SYNRG: variants seen among roughly 807,000 people sequenced by gnomAD.
The protein encoded by SYNRG is AP1 gamma subunit binding protein 1.
Under a neutral mutation model 130.9 loss-of-function variants are expected in SYNRG, and 37 were observed. The observed-to-expected ratio is 0.28, with a 90% CI of 0.22 to 0.37. The LOEUF is 0.37. Ranked by LOEUF, SYNRG falls within the 10% of genes least tolerant of loss-of-function variation. The pLI is 1.00. For synonymous variants in SYNRG, 539 were observed against 568.1 expected (o/e 0.95, Z 0.73); for missense variants, 1,338 against 1,588.9 (o/e 0.84, Z 2.68).
intron 19 of SYNRG, chr17:37,529,847 C>G (rs772874938): frequency 6.4e-7 from 1 of 1,551,462 alleles, no homozygotes; most frequent in South Asian, 1.2e-5. Flanking sequence ...CTTTTCCCAG[C>G]AGCACTAGGA....
intron 1 of SYNRG, among the ~76,000 whole-genome samples, chr17:37,605,108 G>A (rs770463275): frequency 3.3e-5 from 5 of 152,136 alleles, no homozygotes; most frequent in African/African-American, 4.8e-5. Context: ...GAAAAATTGC[G>A]CGGATAAACT....
intron 10 of SYNRG, among the ~76,000 whole-genome samples, chr17:37,569,147 C>T (rs1252722340): frequency 6.6e-6 from 1 of 152,246 alleles, no homozygotes; most frequent in Non-Finnish European, 1.5e-5. Context: ...CAGTGGCTCA[C>T]GCCTATAATC....
chr17:37,533,926 C>CTTTTTTTTTTTTT lies in SYNRG; in HGVS notation c.3666+2040_3666+2052dup. On this transcript the variant is annotated intron_variant, in intron 19 of 21. Coordinates refer to ENST00000612223, the MANE Select transcript of SYNRG (RefSeq NM_007247.6). Reference sequence around the variant, plus strand: ...AGGTTTCTAAACTTCATTTTCTTTTCTTTTTTTTTTTTTTTTTTTTTTTTT... The same window carrying CTTTTTTTTTTTTT: ...AGGTTTCTAAACTTCATTTTCTTTTCTTTTTTTTTTTTTTTTTTTTTTTTTTTTTTTTTTTTTT... Among the ~76,000 whole-genome samples the CTTTTTTTTTTTTT allele has an allele frequency of 2.6e-3, 149 of 57,812 alleles. 27 individuals carry two copies. The highest frequency in any genetic ancestry group is 3.3e-3 in the Non-Finnish European group (104 of 31,224). 37.9% of individuals were successfully genotyped at this position (57,812 alleles called of 152,430 possible).
At position 37,554,956 on chromosome 17, in the gene SYNRG, A is replaced by T. The variant is rs542671791; in HGVS notation, c.1664-897T>A. On this transcript the variant is annotated intron_variant, in intron 13 of 21. Coordinates refer to ENST00000612223, the MANE Select transcript of SYNRG (RefSeq NM_007247.6). ...GACGGAATTGTTTATTTATTTATTTATTTTTTAAATAAAATTTCTTTTGCC... is the reference window on the plus strand; with the variant it reads ...GACGGAATTGTTTATTTATTTATTTTTTTTTTAAATAAAATTTCTTTTGCC... Among the ~76,000 whole-genome samples, 11 of 152,124 alleles carry T rather than the reference A, an allele frequency of 7.2e-5. 1 individual carries two copies. The South Asian group carries it at 1.5e-3, about 20-fold the overall frequency.
At chr17:37,532,897 C>A (rs2144462498) in intron 19 of SYNRG, among the ~76,000 whole-genome samples, 1 of 152,230 alleles carries the variant, frequency 6.6e-6, no homozygotes, top group Non-Finnish European at 1.5e-5. Context: ...TCCTAGTTTA[C>A]AATTTAATCT....
chr17:37,574,291 A>G (rs568398139), intron 8 of SYNRG, among the ~76,000 whole-genome samples: 1 of 152,334 alleles, frequency 6.6e-6, no homozygotes, highest in Non-Finnish European at 1.5e-5. Context: ...AAGACCAGAA[A>G]CTATGAAACT....
intron 14 of SYNRG, among the ~76,000 whole-genome samples, chr17:37,544,716 C>T (rs577208932): frequency 2.6e-5 from 4 of 151,950 alleles, no homozygotes; most frequent in Non-Finnish European, 4.4e-5. Context: ...TTTTTCCCCA[C>T]GATTTAAAGG....
At chr17:37,566,590 T>G (rs1176467141) in intron 11 of SYNRG, among the ~76,000 whole-genome samples, 2 of 149,672 alleles carry the variant, frequency 1.3e-5, no homozygotes, top group East Asian at 3.9e-4. Flanking sequence ...CCCATGACCC[T>G]GCCAAATCCC....
intron 4 of SYNRG, 93 bp downstream of exon 4, chr17:37,586,326 T>C: frequency 6.5e-7 from 1 of 1,531,848 alleles, no homozygotes. Context: ...TTGACTGTTT[T>C]AGTTTCAAAT....
At chr17:37,580,517 G>C (rs1270343318) in intron 6 of SYNRG, among the ~76,000 whole-genome samples, 1 of 138,344 alleles carries the variant, frequency 7.2e-6, no homozygotes, top group African/African-American at 3.4e-5. Flanking sequence ...GTGTGAGAGA[G>C]AGAGAGAGAG....
chr17:37,571,040 G>T (rs1010613171), intron 9 of SYNRG, among the ~76,000 whole-genome samples, 155 bp from the exon 10 acceptor site: 4 of 152,164 alleles, frequency 2.6e-5, no homozygotes, highest in African/African-American at 9.7e-5. Flanking sequence ...AAAGTTACAA[G>T]GTCAATGCAA....
intron 13 of SYNRG, among the ~76,000 whole-genome samples, chr17:37,556,636 C>G (rs2059144333): frequency 6.6e-6 from 1 of 151,488 alleles, no homozygotes; most frequent in Admixed American, 6.6e-5. Flanking sequence ...TCATCAACAC[C>G]AAGGAATTCA....
intron 11 of SYNRG, among the ~76,000 whole-genome samples, chr17:37,565,898 G>A (rs1284004240): frequency 2.0e-5 from 3 of 147,166 alleles, no homozygotes; most frequent in Admixed American, 6.7e-5. Flanking sequence ...CAGCCACCCC[G>A]TCCGGGAGGG....
At chr17:37,557,497 T>C (rs2059206381) in intron 13 of SYNRG, among the ~76,000 whole-genome samples, 1 of 152,226 alleles carries the variant, frequency 6.6e-6, no homozygotes, top group Admixed American at 6.5e-5. Flanking sequence ...AGTTGGCAAC[T>C]CTACTTGGAA....
At chr17:37,591,697 G>A (rs550008341) in intron 3 of SYNRG, among the ~76,000 whole-genome samples, 1 of 152,318 alleles carries the variant, frequency 6.6e-6, no homozygotes, top group South Asian at 2.1e-4. Flanking sequence ...GCATTTCAAT[G>A]GAAGCAGAAT....
rs140909346 is a variant in SYNRG, at chr17:37,542,416, G to C, written c.2758C>G (p.Pro920Ala). 1.2e-6 allele frequency: 2 copies of C among 1,614,024 alleles called. No individual in the cohort carries two copies. The highest frequency in any genetic ancestry group is 1.7e-5 in the Admixed American group (1 of 59,996). Residue 920 changes from proline to alanine, a missense_variant, in exon 15 of 22, where the codon CCC becomes GCC. Pro to Ala is a conservative substitution (Grantham distance 27). This residue lies in a region of SYNRG where 1,146 missense variants were observed against 1,342.3 expected (regional missense o/e 0.85). Coordinates refer to ENST00000612223, the MANE Select transcript of SYNRG (RefSeq NM_007247.6). Reference sequence around the variant, plus strand: ...TTTTGAAGAATTGAGGTGGCTGAGGGGGATCCACTTCCTGCTGAGAGGACA... The same window carrying C: ...TTTTGAAGAATTGAGGTGGCTGAGGCGGATCCACTTCCTGCTGAGAGGACA... ...PFVLSAGSGS[P>A]SATSILQKKE...
chr17:37,594,622 C>T (rs1488948173), intron 3 of SYNRG, among the ~76,000 whole-genome samples: 7 of 151,912 alleles, frequency 4.6e-5, no homozygotes, highest in African/African-American at 9.7e-5. Context: ...CCACCACGCC[C>T]GGCTAATTTT....
At chr17:37,548,067 T>TTAC (rs1372509303) in intron 14 of SYNRG, among the ~76,000 whole-genome samples, 3 of 152,182 alleles carry the variant, frequency 2.0e-5, no homozygotes, top group African/African-American at 7.2e-5. Context: ...TTACACACAG[T>TTAC]TACATTCAGT....
chr17:37,571,463 T>C (rs1348798764), intron 9 of SYNRG, among the ~76,000 whole-genome samples: 2 of 152,120 alleles, frequency 1.3e-5, no homozygotes, highest in Non-Finnish European at 2.9e-5. Context: ...GTGCCTGTAA[T>C]CCCAGCTACT....
Sources: allele counts gnomAD v4.1 joint callset (sites outside exome capture counted in the v4.1 genomes callset), GRCh38; gene constraint gnomAD v4.1.1; regional missense constraint gnomAD v4.1.1; transcripts MANE v1.5; gene names NCBI Gene and HGNC (gene_info 2026-07-23, HGNC 2026-07-21).